ZNF35: variants seen among roughly 807,000 people sequenced by gnomAD.
ZNF35 encodes the protein zinc finger protein 35 (clone HF.10).
A neutral mutation model predicts 45.9 loss-of-function variants in ZNF35; 31 were observed. The ratio of observed to expected loss-of-function variants is 0.68; its 90% CI spans 0.51 to 0.91. ZNF35 has a LOEUF of 0.91. Ranked by LOEUF, ZNF35 falls within the 40% of genes least tolerant of loss-of-function variation. The pLI is 0.00. For missense variants in ZNF35, 515 were observed against 625.4 expected (o/e 0.82, Z 1.88); for synonymous variants, 205 against 220.2 (o/e 0.93, Z 0.61).
chr3:44,657,109 CAGATTACCAT>C (rs1703323541), intron 3 of ZNF35, among the ~76,000 whole-genome samples: 1 of 152,182 alleles, frequency 6.6e-6, no homozygotes, highest in Non-Finnish European at 1.5e-5. Context: ...GATAGAATTT[CAGATTACCAT>C]AGTCTTAACC....
At chr3:44,647,329 G>GA (rs1360354002), upstream of ZNF35, 1 of 151,756 alleles carries the variant, frequency 6.6e-6, no homozygotes, top group African/African-American at 2.4e-5. Flanking sequence ...AGGATGAAGA[G>GA]AAACAGGATC....
rs1329291635 is a variant in ZNF35, at chr3:44,660,238, A to G, written c.*291A>G. The G allele has an allele frequency of 1.1e-5, 3 of 268,334 alleles. No homozygotes were observed. Among genetic ancestry groups the G allele is most frequent in the Admixed American group, 4.8e-5 (1 of 20,994 alleles). The allele number at this position is 268,334 out of a possible 1,614,324, so 16.6% of individuals were successfully genotyped here. A position where few individuals can be genotyped will look rare whatever the true frequency, so the allele number is the denominator to read the frequency against. On this transcript the variant is annotated 3_prime_UTR_variant, in exon 4 of 4. Coordinates refer to ENST00000396056, the MANE Select transcript of ZNF35 (RefSeq NM_003420.4). ...ATGGGTCGTACAAAGCTAAGTGGTA[A>G]TGATGCTATTTGGGGAAAGGTCTTT...
chr3:44,655,787 T>C (rs970978330), intron 3 of ZNF35, among the ~76,000 whole-genome samples: 3 of 152,258 alleles, frequency 2.0e-5, no homozygotes, highest in East Asian at 1.9e-4. Context: ...GGTTTTGTAA[T>C]GGTTTTGACA....
rs773224729 is a variant in ZNF35, at chr3:44,659,887, T to A, written c.1524T>A (p.Gly508=). ...AGCCCTATGAATGTGAGAAGTGTGG[T>A]GCAGCTTTCATTTCCAACTCACACC... ...GEKPYECEKC[G]AAFISNSHLM... is the part of the protein sequence containing the mutation. The change falls in exon 4 of 4, where the codon GGT becomes GGA. Residue 508 remains glycine, a synonymous_variant. Coordinates refer to ENST00000396056, the MANE Select transcript of ZNF35 (RefSeq NM_003420.4). This position sits in a 1 kb window ranked among gnomAD's most constrained non-coding sequence, Gnocchi z 4.3. The A allele has an allele frequency of 6.2e-7, 1 of 1,601,082 alleles. No homozygotes were observed. The highest frequency in any genetic ancestry group is 1.3e-5 in the African/African-American group (1 of 74,310).
upstream of ZNF35, chr3:44,647,185 A>C (rs1703000817): frequency 6.6e-6 from 1 of 152,230 alleles, no homozygotes; most frequent in Non-Finnish European, 1.5e-5. Flanking sequence ...ATTTCACTGA[A>C]GTATAGATAG....
chr3:44,651,325 ACTCTGCCC>A, intron 2 of ZNF35, 66 bp downstream of exon 2: 5 of 1,450,716 alleles, frequency 3.4e-6, no homozygotes, highest in Non-Finnish European at 4.7e-6. Context: ...TTAAGAGGGG[ACTCTGCCC>A]CTCTGCTTCC....
At chr3:44,654,332 A>G (rs1443127627) in intron 3 of ZNF35, among the ~76,000 whole-genome samples, 1 of 152,146 alleles carries the variant, frequency 6.6e-6, no homozygotes, top group Non-Finnish European at 1.5e-5. Flanking sequence ...TATGTGTGAG[A>G]GATATCTGAG....
rs749790151 is a variant in ZNF35 at position 44,659,508 on chromosome 3, G to A, written c.1145G>A (p.Arg382Gln). Residue 382 changes from arginine (R) to glutamine (Q), a missense_variant, in exon 4 of 4, where the codon CGA (arginine) becomes CAA (glutamine). Transcript: ENST00000396056. This position sits in a 1 kb window ranked among gnomAD's most constrained non-coding sequence, Gnocchi z 4.3. ...AGTGCAAATCTTATTGTACATCAGC[G>A]AAGCCATACTGGTGAGAAGCCATAT... is the stretch of plus-strand genomic sequence containing the variant. ...TQSANLIVHQ[R>Q]SHTGEKPYEC... is the part of the protein sequence containing the mutation. 8 of 1,613,964 alleles carry A rather than the reference G, an allele frequency of 5.0e-6. No homozygotes were observed. The highest frequency in any genetic ancestry group is 1.1e-5 in the South Asian group (1 of 91,080).
At chr3:44,650,749 T>C (rs535027981) in intron 1 of ZNF35, among the ~76,000 whole-genome samples, 192 bp from the exon 2 acceptor site, 60 of 152,234 alleles carry the variant, frequency 3.9e-4, no homozygotes, top group African/African-American at 1.4e-3. Context: ...TGCAATGTGG[T>C]TATTATGGGA....
At position 44,654,301 on chromosome 3, in the gene ZNF35, G is replaced by A. The variant is rs143988482; in HGVS notation, c.337+1600G>A. The stretch of plus-strand genomic sequence containing the variant: ...TATTTCCATGGCGATGTCAGCAGGC[G>A]ATGGTGGGAACACTGAGCTCTATGT... On this transcript the variant is annotated intron_variant, in intron 3 of 3. Transcript: ENST00000396056. 2.4e-4 allele frequency among the ~76,000 whole-genome samples: 36 copies of A among 152,312 alleles called. 2 individuals are homozygous for A. In the East Asian group the frequency reaches 6.6e-3, roughly 28 times the overall value.
At chr3:44,650,829 T>C (rs971864990) in intron 1 of ZNF35, 112 bp from the exon 2 acceptor site, 72 of 448,606 alleles carry the variant, frequency 1.6e-4, no homozygotes, top group African/African-American at 9.2e-4. Flanking sequence ...ATGTCCTACA[T>C]TGGCCCCTGG....
chr3:44,650,910 T>C (rs1703190480), intron 1 of ZNF35, 31 bp from the exon 2 acceptor site: 1 of 706,540 alleles, frequency 1.4e-6, no homozygotes, highest in Non-Finnish European at 2.2e-6. Flanking sequence ...AAATCTCTCC[T>C]TGGTGCTAAC....
intron 3 of ZNF35, 142 bp from the exon 4 acceptor site, chr3:44,658,558 TA>T: frequency 1.2e-6 from 1 of 840,916 alleles, no homozygotes; most frequent in Non-Finnish European, 1.8e-6. Context: ...AGAGGAGAGG[TA>T]ACATGTGATG....
Position 44,650,846 on chromosome 3 carries a change from G to A in ZNF35, c.-127-95G>A, listed in dbSNP as rs6805131. 166 of 477,746 alleles carry A rather than the reference G, an allele frequency of 3.5e-4. 1 individual carries two copies. Among genetic ancestry groups the A allele is most frequent in the African/African-American group, 2.9e-3 (149 of 51,506 alleles). The allele number at this position is 477,746 out of a possible 1,614,324, so 29.6% of individuals were successfully genotyped here. A position where few individuals can be genotyped will look rare whatever the true frequency, so the allele number is the denominator to read the frequency against. On this transcript the variant is annotated intron_variant, in intron 1 of 3. Transcript: ENST00000396056. Reference sequence around the variant, plus strand: ...GTCCTACATTGGCCCCTGGCCAGGCGCTGGTGAAATTTGCCGGTGTGGCAT... The same window carrying A: ...GTCCTACATTGGCCCCTGGCCAGGCACTGGTGAAATTTGCCGGTGTGGCAT...
intron 3 of ZNF35, among the ~76,000 whole-genome samples, chr3:44,658,418 C>A (rs1187977757): frequency 6.6e-6 from 1 of 152,184 alleles, no homozygotes; most frequent in Non-Finnish European, 1.5e-5. Context: ...GATTGGCCCT[C>A]CCTGGCATGA....
intron 2 of ZNF35, 133 bp downstream of exon 2, chr3:44,651,392 G>A: frequency 1.2e-6 from 1 of 827,940 alleles, no homozygotes; most frequent in Non-Finnish European, 1.9e-6. Context: ...CCAGTCTTTT[G>A]TAATAGGATA....
At chr3:44,647,943 C>T (rs1469345144), upstream of ZNF35, 3 of 152,066 alleles carry the variant, frequency 2.0e-5, no homozygotes, top group African/African-American at 7.2e-5. Flanking sequence ...ACATACTGTA[C>T]CAATGTTGAT....
upstream of ZNF35, chr3:44,646,530 C>A: frequency 7.0e-7 from 1 of 1,425,424 alleles, no homozygotes; most frequent in Non-Finnish European, 9.9e-7. Context: ...AAATAAAAGA[C>A]ACCACGAGAA....
upstream of ZNF35, chr3:44,646,716 G>A: frequency 1.9e-6 from 1 of 530,812 alleles, no homozygotes; most frequent in South Asian, 2.8e-5. Flanking sequence ...GATATGAAAG[G>A]TATAAAACAT....
Sources: allele counts gnomAD v4.1 joint callset (sites outside exome capture counted in the v4.1 genomes callset), GRCh38; gene constraint gnomAD v4.1.1; non-coding constraint Gnocchi (gnomAD v3.1); transcripts MANE v1.5; gene names NCBI Gene and HGNC (gene_info 2026-07-23, HGNC 2026-07-21).